The following AUH variants were observed in gnomAD, a reference collection of about 807,000 sequenced individuals.
The protein encoded by AUH is AU RNA binding methylglutaconyl-CoA hydratase, also known as methylglutaconyl-CoA hydratase, mitochondrial.
In AUH, 29 loss-of-function variants were observed where a neutral mutation model predicts 42.3. The ratio of observed to expected loss-of-function variants is 0.69; its 90% confidence interval spans 0.51 to 0.93. The LOEUF (loss-of-function observed/expected upper bound fraction) is 0.93. Among genes scored for constraint, AUH ranks in the 40% least tolerant of loss-of-function variants. The pLI is 0.00. For synonymous variants in AUH, 174 were observed against 166.4 expected, an observed-to-expected ratio of 1.05 and a Z score of -0.35; for missense variants, 452 against 438.1, an observed-to-expected ratio of 1.03 and a Z score of -0.28.
At chr9:91,313,076 G>A (rs1038588120) in intron 4 of AUH, among the ~76,000 whole-genome samples, 10 of 152,216 alleles carry the variant, frequency 6.6e-5, no homozygotes, top group African/African-American at 2.2e-4. Context: ...TTGCGGGGGG[G>A]GTTGTTTTTT....
intron 4 of AUH, among the ~76,000 whole-genome samples, chr9:91,323,570 C>T (rs1250301311): frequency 2.6e-5 from 4 of 151,250 alleles, no homozygotes. Flanking sequence ...TTGCAGTGAG[C>T]TGAGATCGTG....
intron 3 of AUH, among the ~76,000 whole-genome samples, chr9:91,334,676 T>TA (rs1449580431): frequency 5.9e-5 from 9 of 152,298 alleles, no homozygotes; most frequent in African/African-American, 2.2e-4. Flanking sequence ...CTAATACACT[T>TA]ATTAAATTGT....
At chr9:91,268,859 G>C in intron 6 of AUH, among the ~76,000 whole-genome samples, 1 of 152,060 alleles carries the variant, frequency 6.6e-6, no homozygotes. Flanking sequence ...ATATATTCAA[G>C]GATATGCATA....
Position 91,271,825 on chromosome 9 carries a change from C to T in AUH, c.655+24196G>A, listed in dbSNP as rs373959696. 3.4e-4 allele frequency among the ~76,000 whole-genome samples: 51 copies of T among 152,222 alleles called. No individual in the cohort carries two copies. In the East Asian group the frequency reaches 5.8e-3, roughly 17 times the overall value. ...CCTCCTGAGCAGCTGGTATTACAGG[C>T]GCCCGCCACCACGCCCGGCTAATTC... On this transcript the variant is annotated intron_variant, in intron 6 of 9. Coordinates refer to ENST00000375731, the MANE Select transcript of AUH (RefSeq NM_001698.3).
chr9:91,271,637 T>A (rs1487888111), intron 6 of AUH, among the ~76,000 whole-genome samples: 1 of 152,256 alleles, frequency 6.6e-6, no homozygotes, highest in Non-Finnish European at 1.5e-5. Context: ...CATAATAAGA[T>A]ATTATATTAG....
At chr9:91,293,294 G>T (rs1419971676) in intron 6 of AUH, among the ~76,000 whole-genome samples, 1 of 152,238 alleles carries the variant, frequency 6.6e-6, no homozygotes, top group African/African-American at 2.4e-5. Context: ...AGGAAGGCAT[G>T]TCAAAAGCTG....
At chr9:91,336,930 A>G (rs560087022) in intron 3 of AUH, among the ~76,000 whole-genome samples, 1 of 152,310 alleles carries the variant, frequency 6.6e-6, no homozygotes, top group Middle Eastern at 3.4e-3. Flanking sequence ...ATTTATAAAC[A>G]TCAGTCAGAA....
chr9:91,360,185 G>A (rs1461807659), intron 1 of AUH: 1 of 152,088 alleles, frequency 6.6e-6, no homozygotes, highest in Non-Finnish European at 1.5e-5. Context: ...AATAGAATAT[G>A]GTGCATATTA....
chr9:91,296,168 G>C (rs1430476019), intron 5 of AUH, 91 bp from the exon 6 acceptor site: 3 of 1,233,712 alleles, frequency 2.4e-6, no homozygotes, highest in Admixed American at 1.8e-5. Context: ...CTAAAATATT[G>C]TTTACTAATT....
At chr9:91,329,269 G>A (rs894712221) in intron 3 of AUH, among the ~76,000 whole-genome samples, 2 of 150,722 alleles carry the variant, frequency 1.3e-5, no homozygotes, top group African/African-American at 2.4e-5. Context: ...GAATTGCTAG[G>A]TCATACTGTA....
chr9:91,344,493 C>T (rs1831338712), intron 3 of AUH, among the ~76,000 whole-genome samples: 1 of 152,170 alleles, frequency 6.6e-6, no homozygotes, highest in African/African-American at 2.4e-5. Flanking sequence ...ATATTTGGCT[C>T]AGAATAAATC....
Position 91,304,301 on chromosome 9 carries a change from G to A in AUH, c.506-6225C>T, listed in dbSNP as rs532244706. 9.9e-5 allele frequency among the ~76,000 whole-genome samples: 15 copies of A among 152,148 alleles called. No individual in the cohort carries two copies. In the South Asian group the frequency reaches 3.1e-3, roughly 32 times the overall value. On this transcript the variant is annotated intron_variant, in intron 4 of 9. Transcript: ENST00000375731. ...CTGTATGGATTCACACAGAAAAGAGGACTAAATTTACTTTTTTACTAGGAA... is the reference window on the plus strand; with the variant it reads ...CTGTATGGATTCACACAGAAAAGAGAACTAAATTTACTTTTTTACTAGGAA...
intron 6 of AUH, among the ~76,000 whole-genome samples, chr9:91,272,080 G>C (rs1825184282): frequency 6.6e-6 from 1 of 152,140 alleles, no homozygotes; most frequent in Admixed American, 6.5e-5. Context: ...TGTTAAATAA[G>C]GAAACACAAC....
At chr9:91,254,130 C>G (rs1829283606) in intron 6 of AUH, among the ~76,000 whole-genome samples, 1 of 152,200 alleles carries the variant, frequency 6.6e-6, no homozygotes, top group East Asian at 1.9e-4. Context: ...ACAGGCCTCT[C>G]CCGGAAAGCA....
At chr9:91,332,948 C>T (rs1830437647) in intron 3 of AUH, among the ~76,000 whole-genome samples, 1 of 146,364 alleles carries the variant, frequency 6.8e-6, no homozygotes, top group Non-Finnish European at 1.5e-5. Context: ...CTGCGGTTCT[C>T]GCTCTCTTAT....
At chr9:91,356,964 C>A (rs1293715699) in intron 1 of AUH, among the ~76,000 whole-genome samples, 1 of 152,170 alleles carries the variant, frequency 6.6e-6, no homozygotes, top group African/African-American at 2.4e-5. Flanking sequence ...GGGTATGTTT[C>A]TTATTTGCAA....
intron 6 of AUH, among the ~76,000 whole-genome samples, chr9:91,260,346 G>C (rs1220266371): frequency 1.3e-5 from 2 of 152,196 alleles, no homozygotes; most frequent in East Asian, 3.9e-4. Context: ...ATCCACATGA[G>C]TTTAAACTTA....
intron 6 of AUH, among the ~76,000 whole-genome samples, chr9:91,228,849 T>G (rs1258001123): frequency 6.6e-6 from 1 of 152,240 alleles, no homozygotes; most frequent in Non-Finnish European, 1.5e-5. Flanking sequence ...TCAGTTTCCA[T>G]GTAGTTGAGC....
chr9:91,361,345 G>C (rs1832835854), intron 1 of AUH, among the ~76,000 whole-genome samples: 2 of 152,222 alleles, frequency 1.3e-5, no homozygotes, highest in South Asian at 4.1e-4. Flanking sequence ...GGCTTGTCTG[G>C]AGCGGAGGGC....
Sources: gnomAD v4.1 joint callset for allele counts (sites outside exome capture counted in the v4.1 genomes callset) on GRCh38, gnomAD v4.1.1 for gene constraint, MANE v1.5 for transcripts, NCBI Gene and HGNC (gene_info 2026-07-23, HGNC 2026-07-21) for gene names.